The following TPRG1 variants were observed in gnomAD, a reference collection of about 807,000 sequenced individuals.
TPRG1 encodes the protein tumor protein p63 regulated 1.
In TPRG1, 29 loss-of-function variants were observed where a neutral mutation model predicts 29.3. The observed-to-expected ratio is 0.99, with a 90% CI of 0.74 to 1.35. The LOEUF is 1.35. TPRG1 is among the 40% of genes most tolerant of loss of function. The pLI, the probability that TPRG1 is intolerant of heterozygous loss-of-function variation, is 0.00. For missense variants in TPRG1, 327 were observed against 335.0 expected (o/e 0.98, Z 0.19); for synonymous variants, 130 against 116.8 (o/e 1.11, Z -0.73).
At chr3:189,082,048 CTTG>C (rs759424485) in intron 4 of TPRG1, among the ~76,000 whole-genome samples, 51 of 152,190 alleles carry the variant, frequency 3.4e-4, no homozygotes, top group Non-Finnish European at 6.6e-4. Context: ...CAACATTGGA[CTTG>C]TTGTCTGAGG....
chr3:189,269,833 G>GT (rs1714768549), intron 4 of TPRG1, among the ~76,000 whole-genome samples: 2 of 152,136 alleles, frequency 1.3e-5, no homozygotes, highest in South Asian at 2.1e-4. Flanking sequence ...CAGCTAAGGA[G>GT]TTTTTTCATT....
intron 3 of TPRG1, among the ~76,000 whole-genome samples, chr3:189,231,207 A>G (rs921354348): frequency 1.3e-5 from 2 of 151,690 alleles, no homozygotes; most frequent in Non-Finnish European, 2.9e-5. Flanking sequence ...TTATGCCAGA[A>G]AAACTGACAG....
intron 4 of TPRG1, among the ~76,000 whole-genome samples, chr3:189,067,345 A>G (rs1439738252): frequency 1.3e-5 from 2 of 152,202 alleles, no homozygotes; most frequent in Non-Finnish European, 2.9e-5. Flanking sequence ...GAACCACAAA[A>G]TGCCCAGAAT....
At chr3:189,010,433 C>T (rs1268166803) in intron 3 of TPRG1, among the ~76,000 whole-genome samples, 2 of 152,174 alleles carry the variant, frequency 1.3e-5, no homozygotes, top group Non-Finnish European at 2.9e-5. Context: ...TCTCCACAAC[C>T]TCACCAGTAC....
At chr3:189,011,996 T>G (rs1459960492) in intron 3 of TPRG1, among the ~76,000 whole-genome samples, 1 of 152,196 alleles carries the variant, frequency 6.6e-6, no homozygotes, top group East Asian at 1.9e-4. Flanking sequence ...TCCTGAGACT[T>G]TGTTGAAGTT....
chr3:189,069,238 G>GA (rs1269136453), intron 4 of TPRG1, among the ~76,000 whole-genome samples: 2 of 152,052 alleles, frequency 1.3e-5, no homozygotes, highest in Non-Finnish European at 2.9e-5. Context: ...GTGACTGAAG[G>GA]AAAAAAGCCA....
chr3:189,282,356 G>A (rs543433540), intron 4 of TPRG1, among the ~76,000 whole-genome samples: 3 of 152,032 alleles, frequency 2.0e-5, no homozygotes, highest in South Asian at 2.1e-4. Flanking sequence ...AGCAAGCCAG[G>A]CCAGCTCTGG....
intron 4 of TPRG1, among the ~76,000 whole-genome samples, chr3:189,079,299 A>G (rs1385610533): frequency 6.6e-6 from 1 of 152,114 alleles, no homozygotes; most frequent in African/African-American, 2.4e-5. Flanking sequence ...CCCCACCTCC[A>G]ACATTGGGGA....
intron 4 of TPRG1, among the ~76,000 whole-genome samples, chr3:189,056,627 T>A (rs1715715933): frequency 6.6e-6 from 1 of 152,176 alleles, no homozygotes; most frequent in South Asian, 2.1e-4. Flanking sequence ...AGTTTACAAG[T>A]TCCTTGAGGT....
chr3:189,252,285 A>G (rs1742408048), intron 4 of TPRG1, among the ~76,000 whole-genome samples: 1 of 152,118 alleles, frequency 6.6e-6, no homozygotes, highest in Non-Finnish European at 1.5e-5. Context: ...TCCTATGTCT[A>G]CTTCTTTCTA....
At chr3:189,161,155 A>G (rs1727421287) in intron 5 of TPRG1, among the ~76,000 whole-genome samples, 1 of 152,230 alleles carries the variant, frequency 6.6e-6, no homozygotes, top group African/African-American at 2.4e-5. Flanking sequence ...AGGAAGTGTT[A>G]GCATATATTG....
intron 2 of TPRG1, 95 bp downstream of exon 2, chr3:189,207,689 C>T (rs1734617249): frequency 1.7e-6 from 2 of 1,145,494 alleles, no homozygotes; most frequent in East Asian, 2.4e-5. Flanking sequence ...AGTGTACTCA[C>T]ATTTGTCTCA....
intron 4 of TPRG1, among the ~76,000 whole-genome samples, chr3:189,290,718 T>A (rs1718851469): frequency 6.6e-6 from 1 of 152,170 alleles, no homozygotes; most frequent in Admixed American, 6.5e-5. Flanking sequence ...GGAGAGGCCA[T>A]TTTGAAAAAG....
In TPRG1 at chr3:189,092,675, C is replaced by A. The variant is rs144517863; in HGVS notation, c.-462-34382C>A. Reference sequence around the variant, plus strand: ...TGGGAGCAATGTGAGGATTCTACATCTGCCTGTCTGACTTCAGAACTGGCT... The same window carrying A: ...TGGGAGCAATGTGAGGATTCTACATATGCCTGTCTGACTTCAGAACTGGCT... On this transcript the variant is annotated intron_variant, in intron 4 of 10. Coordinates refer to the TPRG1 transcript ENST00000433971. Among the ~76,000 whole-genome samples, 755 of 152,240 alleles carry A rather than the reference C, an allele frequency of 5.0e-3. 7 individuals carry two copies. Among genetic ancestry groups the A allele is most frequent in the Non-Finnish European group, 8.0e-3 (544 of 68,018 alleles).
At chr3:189,229,644 A>C (rs532016702) in intron 3 of TPRG1, among the ~76,000 whole-genome samples, 1 of 152,240 alleles carries the variant, frequency 6.6e-6, no homozygotes, top group Non-Finnish European at 1.5e-5. Flanking sequence ...GGCGCACACC[A>C]GTCAGGAGGA....
At chr3:189,262,125 A>G (rs1713168980) in intron 4 of TPRG1, among the ~76,000 whole-genome samples, 1 of 152,160 alleles carries the variant, frequency 6.6e-6, no homozygotes, top group Non-Finnish European at 1.5e-5. Context: ...AAATTCTGTC[A>G]TAGTAGAGTT....
intron 4 of TPRG1, among the ~76,000 whole-genome samples, chr3:189,306,366 A>C (rs1241125596): frequency 6.6e-6 from 1 of 152,222 alleles, no homozygotes; most frequent in African/African-American, 2.4e-5. Flanking sequence ...GAAATCTTAC[A>C]TATGAAAACA....
At chr3:189,079,779 T>G (rs772603562) in intron 4 of TPRG1, among the ~76,000 whole-genome samples, 7 of 152,226 alleles carry the variant, frequency 4.6e-5, no homozygotes, top group Non-Finnish European at 8.8e-5. Flanking sequence ...AAACTCAGTC[T>G]TCTAAGCACA....
chr3:189,287,839 C>A (rs1452933028), intron 4 of TPRG1, among the ~76,000 whole-genome samples: 7 of 151,954 alleles, frequency 4.6e-5, no homozygotes, highest in Non-Finnish European at 4.4e-5. Flanking sequence ...GCCTATTTTC[C>A]CCCAATTTTA....
Sources: allele counts gnomAD v4.1 joint callset (sites outside exome capture counted in the v4.1 genomes callset), GRCh38; gene constraint gnomAD v4.1.1; transcripts MANE v1.5; gene names NCBI Gene and HGNC (gene_info 2026-07-23, HGNC 2026-07-21).